The following NEK8 variants were observed in gnomAD, a reference collection of about 807,000 sequenced individuals.
NEK8 encodes serine/threonine-protein kinase Nek8.
A neutral mutation model predicts 77.2 loss-of-function variants in NEK8; 51 were observed. That is an observed-to-expected ratio of 0.66 (90% CI 0.53 to 0.83). NEK8 has a LOEUF of 0.83. Ranked by LOEUF, NEK8 falls within the 40% of genes least tolerant of loss-of-function variation. The pLI is 0.00. For synonymous variants in NEK8, 365 were observed against 363.2 expected, an observed-to-expected ratio of 1.00 and a Z score of -0.06; for missense variants, 787 against 909.2, an observed-to-expected ratio of 0.87 and a Z score of 1.73.
rs944782524 is a variant in NEK8 at position 28,742,069 on chromosome 17, C to T, written c.*82C>T. On this transcript the variant is annotated 3_prime_UTR_variant, in exon 15 of 15. Transcript: ENST00000268766. Reference sequence around the variant, plus strand: ...AAAAGTGCAGGTGCCCAAGGCATGACTTGCAGCTGTCTCCTGGATTGTGTC... The same window carrying T: ...AAAAGTGCAGGTGCCCAAGGCATGATTTGCAGCTGTCTCCTGGATTGTGTC... The T allele has an allele frequency of 3.0e-6, 4 of 1,315,548 alleles. No individual in the cohort carries two copies. The African/African-American group carries it at 4.3e-5, about 14-fold the overall frequency. The allele number at this position is 1,315,548 out of a possible 1,614,324, so 81.5% of individuals were successfully genotyped here. A position where few individuals can be genotyped will look rare whatever the true frequency, so the allele number is the denominator to read the frequency against.
In NEK8 at chr17:28,742,583, G is replaced by T; in HGVS notation, c.*596G>T. On this transcript the variant is annotated 3_prime_UTR_variant, in exon 15 of 15. Coordinates refer to ENST00000268766, the MANE Select transcript of NEK8 (RefSeq NM_178170.3). ...AAAAAAAAAAACAAAAAAGGCTGAA[G>T]GCAGCTGTAGCTCCACACAGACCCT... 5.9e-6 allele frequency: 1 copy of T among 168,640 alleles called. No homozygotes were observed. Among genetic ancestry groups the T allele is most frequent in the Non-Finnish European group, 1.3e-5 (1 of 76,862 alleles). The allele number at this position is 168,640 out of a possible 1,614,324, so 10.4% of individuals were successfully genotyped here.
rs372820617 is a variant in NEK8, at chr17:28,740,891, G to A, written c.1638G>A (p.Glu546=). 2 of 1,614,120 alleles carry A rather than the reference G, an allele frequency of 1.2e-6. No homozygotes were observed. Among genetic ancestry groups the A allele is most frequent in the Non-Finnish European group, 1.7e-6 (2 of 1,180,020 alleles). The change falls in exon 12 of 15, where the codon GAG becomes GAA. Residue 546 remains glutamate, a synonymous_variant. Coordinates refer to ENST00000268766, the MANE Select transcript of NEK8 (RefSeq NM_178170.3). The surrounding 1 kb of genome is among the most constrained non-coding windows in gnomAD (Gnocchi z 4.7). ...EEPVPHQQVE[E]ALSFTLLGSA... is the part of the protein sequence containing the mutation. The stretch of plus-strand genomic sequence containing the variant: ...CTGTCCCCCACCAGCAAGTGGAGGA[G>A]GCCCTGAGCTTCACACTACTAGGCT...
intron 9 of NEK8, 75 bp downstream of exon 9, chr17:28,738,822 A>T: frequency 5.1e-6 from 6 of 1,167,784 alleles, no homozygotes; most frequent in Non-Finnish European, 7.7e-6. Context: ...TTGACACCAG[A>T]TTGGGGGCAG....
Position 28,735,301 on chromosome 17 carries a change from A to T in NEK8, c.548A>T (p.Lys183Met). The change falls in exon 4 of 15, where the codon AAG (lysine) becomes ATG (methionine). Residue 183 changes from lysine (K) to methionine (M), a missense_variant. Coordinates refer to ENST00000268766, the MANE Select transcript of NEK8 (RefSeq NM_178170.3). ...TGTGAGGGCAAGCCCTACAACCAGA[A>T]GAGTGACATCTGGGCCCTGGGCTGT... ...ELCEGKPYNQ[K>M]SDIWALGCVL... is the part of the protein sequence containing the mutation. 1.2e-6 allele frequency: 2 copies of T among 1,614,096 alleles called. No homozygotes were observed. Among genetic ancestry groups the T allele is most frequent in the Non-Finnish European group, 1.7e-6 (2 of 1,179,958 alleles).
In NEK8 at chr17:28,742,107, C is replaced by T. The variant is rs547724376; in HGVS notation, c.*120C>T. 3 of 1,024,774 alleles carry T rather than the reference C, an allele frequency of 2.9e-6. No homozygotes were observed. In the South Asian group the frequency reaches 3.8e-5, roughly 13 times the overall value. 63.5% of individuals were successfully genotyped at this position (1,024,774 alleles called of 1,614,324 possible). A position where few individuals can be genotyped will look rare whatever the true frequency, so the allele number is the denominator to read the frequency against. On this transcript the variant is annotated 3_prime_UTR_variant, in exon 15 of 15. Transcript: ENST00000268766. Reference sequence around the variant, plus strand: ...CCTGGATTGTGTCATCATGGGGTATCAGGGCTGGCAAAACCCCTGCTCTGC... The same window carrying T: ...CCTGGATTGTGTCATCATGGGGTATTAGGGCTGGCAAAACCCCTGCTCTGC...
rs964103644 is a variant in NEK8, at chr17:28,740,712, G to A, written c.1568+99G>A. 170 of 1,573,178 alleles carry A rather than the reference G, an allele frequency of 1.1e-4. No homozygotes were observed. The highest frequency in any genetic ancestry group is 1.9e-4 in the Middle Eastern group (1 of 5,274). ...ACCTTTCACCAAAGACCAGAATTGA[G>A]GGGGTTGAGGGTGCTATTGGTTCAA... On this transcript the variant is annotated intron_variant, in intron 11 of 14. Transcript: ENST00000268766. The surrounding 1 kb of genome is among the most constrained non-coding windows in gnomAD (Gnocchi z 4.7).
chr17:28,742,016 T>G lies in NEK8; in HGVS notation c.*29T>G. 1 of 1,609,746 alleles carries G rather than the reference T, an allele frequency of 6.2e-7. No homozygotes were observed. The highest frequency in any genetic ancestry group is 8.5e-7 in the Non-Finnish European group (1 of 1,176,030). ...ACCCGGATTCACCTCTGGACCACCC[T>G]GATATTGCTTCTCCTCTGAATGCTC... On this transcript the variant is annotated 3_prime_UTR_variant, in exon 15 of 15. Transcript: ENST00000268766.
intron 1 of NEK8, among the ~76,000 whole-genome samples, chr17:28,730,098 A>G (rs2151730303): frequency 6.6e-6 from 1 of 152,184 alleles, no homozygotes; most frequent in South Asian, 2.1e-4. Flanking sequence ...CATTTGCCAC[A>G]AACGGTTTTG....
intron 1 of NEK8, among the ~76,000 whole-genome samples, chr17:28,731,942 T>G (rs1424147219): frequency 1.8e-5 from 2 of 113,266 alleles, no homozygotes; most frequent in Non-Finnish European, 3.7e-5. Context: ...TTTTTTTTTT[T>G]TTTTTTGAGA....
Position 28,742,278 on chromosome 17 carries a change from G to C in NEK8, c.*291G>C, listed in dbSNP as rs2034431403. ...AGACCTAGCCTTTGGAAGCAGGGTG[G>C]CCTCCAGAGCCTTGCCATAAAAAGG... On this transcript the variant is annotated 3_prime_UTR_variant, in exon 15 of 15. Coordinates refer to ENST00000268766, the MANE Select transcript of NEK8 (RefSeq NM_178170.3). The C allele has an allele frequency of 1.9e-6, 1 of 538,522 alleles. No homozygotes were observed. Among genetic ancestry groups the C allele is most frequent in the African/African-American group, 1.9e-5 (1 of 52,394 alleles). The allele number at this position is 538,522 out of a possible 1,614,324, so 33.4% of individuals were successfully genotyped here. A position where few individuals can be genotyped will look rare whatever the true frequency, so the allele number is the denominator to read the frequency against.
chr17:28,743,434 G>A lies in NEK8; in HGVS notation c.*1447G>A, dbSNP rs1193176311. The A allele has an allele frequency of 6.6e-6, 1 of 152,348 alleles. No homozygotes were observed. The highest frequency in any genetic ancestry group is 1.5e-5 in the Non-Finnish European group (1 of 68,164). The allele number at this position is 152,348 out of a possible 1,614,324, so 9.4% of individuals were successfully genotyped here. ...GACCGGTTTCCCAGAGGACAGGAAG[G>A]CCAATAAAAATATCAGCTGCCTGCC... is the stretch of plus-strand genomic sequence containing the variant. On this transcript the variant is annotated 3_prime_UTR_variant, in exon 15 of 15. Transcript: ENST00000268766.
chr17:28,735,449 G>T (rs2034354995), intron 4 of NEK8, 78 bp downstream of exon 4: 1 of 1,511,760 alleles, frequency 6.6e-7, no homozygotes, highest in African/African-American at 1.4e-5. Context: ...AGCCACCTCA[G>T]GTTTCTCCTC....
At position 28,734,119 on chromosome 17, in the gene NEK8, A is replaced by T; in HGVS notation, c.184A>T (p.Asn62Tyr). The change falls in exon 2 of 15, where the codon AAT (asparagine) becomes TAT (tyrosine). Residue 62 changes from asparagine to tyrosine, a missense_variant. By Grantham distance (143) the Asn-to-Tyr change is moderately radical (BLOSUM62 -2). This residue lies in a region of NEK8 where 271 missense variants were observed against 365.1 expected (regional missense o/e 0.74). Coordinates refer to ENST00000268766, the MANE Select transcript of NEK8 (RefSeq NM_178170.3). ...CQVLKLLNHP[N>Y]VIEYYENFLE... is the part of the protein sequence containing the mutation. ...GGTCCTCAAGCTGCTCAACCACCCC[A>T]ATGTCATTGAGTACTACGAGAACTT... 2 of 1,614,018 alleles carry T rather than the reference A, an allele frequency of 1.2e-6. No homozygotes were observed. Among genetic ancestry groups the T allele is most frequent in the Non-Finnish European group, 1.7e-6 (2 of 1,179,974 alleles).
At position 28,737,918 on chromosome 17, in the gene NEK8, T is replaced by C. The variant is rs1156776265; in HGVS notation, c.989T>C (p.Leu330Pro). ...GGCACCCCCCTGCGGCTGCCAATGC[T>C]CAACACAGAGGTGGTCCAGGTGGCA... The part of the protein sequence containing the change: ...GLGTPLRLPM[L>P]NTEVVQVAAG... Residue 330 changes from leucine to proline, a missense_variant, in exon 7 of 15, where the codon CTC (leucine) becomes CCC (proline). Transcript: ENST00000268766. The surrounding 1 kb of genome is among the most constrained non-coding windows in gnomAD (Gnocchi z 4.8). 8 of 1,613,610 alleles carry C rather than the reference T, an allele frequency of 5.0e-6. No homozygotes were observed. The East Asian group carries it at 1.8e-4, about 36-fold the overall frequency.
Position 28,734,891 on chromosome 17 carries a change from C to T in NEK8, c.373C>T (p.Leu125=). Residue 125 remains leucine, a synonymous_variant, in exon 3 of 15, where the codon CTG becomes TTG. Transcript: ENST00000268766. ...ALHHVHTHLI[L]HRDLKTQNIL... ...GCATCATGTGCACACCCACCTCATCCTGCACCGAGACCTCAAGACCCAGAA... is the reference window on the plus strand; with the variant it reads ...GCATCATGTGCACACCCACCTCATCTTGCACCGAGACCTCAAGACCCAGAA... 1 of 1,613,800 alleles carries T rather than the reference C, an allele frequency of 6.2e-7. No homozygotes were observed.
chr17:28,741,094 C>A lies in NEK8; in HGVS notation c.1749C>A (p.Tyr583Ter). 1 of 1,614,192 alleles carries A rather than the reference C, an allele frequency of 6.2e-7. No individual in the cohort carries two copies. Among genetic ancestry groups the A allele is most frequent in the South Asian group, 1.1e-5 (1 of 91,090 alleles). Residue 583 changes from tyrosine to a stop codon, truncating the protein, a stop_gained, in exon 13 of 15, where the codon TAC (tyrosine) becomes TAA (stop). Transcript: ENST00000268766. LOFTEE classifies it high-confidence loss of function. This position sits in a 1 kb window ranked among gnomAD's most constrained non-coding sequence, Gnocchi z 4.5. ...SAAVTASGDC[Y>*]TFGSNQHGQL... Reference sequence around the variant, plus strand: ...CCCCCATAGCCTCGGGTGATTGCTACACTTTTGGCAGCAATCAGCACGGAC... The same window carrying A: ...CCCCCATAGCCTCGGGTGATTGCTAAACTTTTGGCAGCAATCAGCACGGAC...
chr17:28,738,818 C>G, intron 9 of NEK8, 71 bp downstream of exon 9: 1 of 1,269,724 alleles, frequency 7.9e-7, no homozygotes, highest in Non-Finnish European at 1.2e-6. Context: ...TGAGTTGACA[C>G]CAGATTGGGG....
chr17:28,739,329 C>A, intron 10 of NEK8, 128 bp downstream of exon 10: 1 of 779,950 alleles, frequency 1.3e-6, no homozygotes, highest in Non-Finnish European at 2.3e-6. Context: ...TTCATTCATT[C>A]AACAAACCTT....
In NEK8 at chr17:28,740,917, C is replaced by G; in HGVS notation, c.1664C>G (p.Ser555Cys). 3 of 1,614,184 alleles carry G rather than the reference C, an allele frequency of 1.9e-6. No individual in the cohort carries two copies. Among genetic ancestry groups the G allele is most frequent in the South Asian group, 1.1e-5 (1 of 91,086 alleles). ...EEALSFTLLG[S>C]APLDQEPLLS... ...GCCCTGAGCTTCACACTACTAGGCT[C>G]TGCACCCCTGGACCAGGAGCCTCTG... Residue 555 changes from serine (S) to cysteine (C), a missense_variant, in exon 12 of 15, where the codon TCT becomes TGT. Physicochemically the swap from Ser to Cys is moderately radical, Grantham distance 112. Around this residue, in one of 2 missense-constraint regions of NEK8, gnomAD observed 516 missense variants for 544.0 expected, o/e 0.95. Transcript: ENST00000268766. This position sits in a 1 kb window ranked among gnomAD's most constrained non-coding sequence, Gnocchi z 4.7.
Sources: allele counts gnomAD v4.1 joint callset (sites outside exome capture counted in the v4.1 genomes callset), GRCh38; gene constraint gnomAD v4.1.1; regional missense constraint gnomAD v4.1.1; non-coding constraint Gnocchi (gnomAD v3.1); transcripts MANE v1.5; gene names NCBI Gene and HGNC (gene_info 2026-07-23, HGNC 2026-07-21).